LMNA: variants seen among roughly 807,000 people sequenced by gnomAD.
The protein encoded by LMNA is lamin.
Under a neutral mutation model 70.4 loss-of-function variants are expected in LMNA, and 20 were observed. That is an observed-to-expected ratio of 0.28 (90% CI 0.20 to 0.41). The LOEUF (loss-of-function observed/expected upper bound fraction) is 0.41. LMNA is among the 10% of genes least tolerant of loss of function. The pLI is 1.00. For missense variants in LMNA, 652 were observed against 917.2 expected, an observed-to-expected ratio of 0.71 and a Z score of 3.73; for synonymous variants, 339 against 372.8, an observed-to-expected ratio of 0.91 and a Z score of 1.04.
chr1:156,099,694 C>T (rs1649069286), intron 3 of LMNA, among the ~76,000 whole-genome samples: 1 of 151,666 alleles, frequency 6.6e-6, no homozygotes, highest in Non-Finnish European at 1.5e-5. Context: ...CCAGCCTGGC[C>T]AACATGGCGA....
Position 156,135,680 on chromosome 1 carries a change from C to T in LMNA, c.937-221C>T, listed in dbSNP as rs974400754. 48 of 603,668 alleles carry T rather than the reference C, an allele frequency of 8.0e-5. No homozygotes were observed. The highest frequency in any genetic ancestry group is 8.3e-5 in the East Asian group (3 of 36,064). 37.4% of individuals were successfully genotyped at this position (603,668 alleles called of 1,614,324 possible). ...CAGGAGAAAAAGTCTAGCCTCAGAA[C>T]GAGAGGTTTCAGTTAGACAAGGGGA... is the stretch of plus-strand genomic sequence containing the variant. On this transcript the variant is annotated intron_variant, in intron 5 of 11. Transcript: ENST00000368300. The surrounding 1 kb of genome is among the most constrained non-coding windows in gnomAD (Gnocchi z 4.8).
intron 1 of LMNA, chr1:156,129,757 G>T: frequency 1.4e-6 from 1 of 690,324 alleles, no homozygotes; most frequent in Non-Finnish European, 2.7e-6. Context: ...CCCAGAAAAG[G>T]TGAGGGAGGT....
In LMNA at chr1:156,137,597, T is replaced by C. The variant is rs1388691107; in HGVS notation, c.1609-57T>C. 19 of 1,455,020 alleles carry C rather than the reference T, an allele frequency of 1.3e-5. No individual in the cohort carries two copies. Among genetic ancestry groups the C allele is most frequent in the Non-Finnish European group, 1.8e-5 (19 of 1,061,428 alleles). 90.1% of individuals were successfully genotyped at this position (1,455,020 alleles called of 1,614,324 possible). ...TTGCAGGTGGTCACTGGGGTAGACA[T>C]GCTGTACAACCCTTCCCTGGCCCTG... On this transcript the variant is annotated intron_variant, in intron 9 of 11. Transcript: ENST00000368300. The surrounding 1 kb of genome is among the most constrained non-coding windows in gnomAD (Gnocchi z 4.6).
At chr1:156,128,797 C>T (rs940982966) in intron 1 of LMNA, among the ~76,000 whole-genome samples, 1 of 152,222 alleles carries the variant, frequency 6.6e-6, no homozygotes, top group Non-Finnish European at 1.5e-5. Context: ...TCTCTAAATT[C>T]TGAGAGCCTC....
At chr1:156,086,663 CAG>C (rs1648491865) in intron 2 of LMNA, among the ~76,000 whole-genome samples, 2 of 152,282 alleles carry the variant, frequency 1.3e-5, no homozygotes, top group South Asian at 4.1e-4. Context: ...CCTTTTGAGA[CAG>C]AGTCTCGCTC....
chr1:156,135,086 G>C lies in LMNA; in HGVS notation c.811-101G>C, dbSNP rs556408262. On this transcript the variant is annotated intron_variant, in intron 4 of 11. Coordinates refer to ENST00000368300, the MANE Select transcript of LMNA (RefSeq NM_170707.4). This position sits in a 1 kb window ranked among gnomAD's most constrained non-coding sequence, Gnocchi z 4.8. ...AGGCAGATGGTGGCAGGGAGCTCAG[G>C]GTGGCCCAGGACCTGGGGCTGTAGC... 66 of 1,610,110 alleles carry C rather than the reference G, an allele frequency of 4.1e-5. No homozygotes were observed. In the African/African-American group the frequency reaches 8.5e-4, roughly 21 times the overall value.
Position 156,136,760 on chromosome 1 carries a change from T to A in LMNA, c.1381-161T>A. On this transcript the variant is annotated intron_variant, in intron 7 of 11. Coordinates refer to ENST00000368300, the MANE Select transcript of LMNA (RefSeq NM_170707.4). This position sits in a 1 kb window ranked among gnomAD's most constrained non-coding sequence, Gnocchi z 6.1. ...CTGGTGCTGCGTATGTGTCCACAGA[T>A]CATGGCTATTATCCCCGGGGGAAGG... 1 of 722,636 alleles carries A rather than the reference T, an allele frequency of 1.4e-6. No homozygotes were observed. Among genetic ancestry groups the A allele is most frequent in the South Asian group, 1.5e-5 (1 of 66,806 alleles). 44.8% of individuals were successfully genotyped at this position (722,636 alleles called of 1,614,324 possible).
upstream of LMNA, among the ~76,000 whole-genome samples, chr1:156,113,935 G>C (rs1452366576): frequency 6.6e-6 from 1 of 152,166 alleles, no homozygotes; most frequent in Non-Finnish European, 1.5e-5. Context: ...AGATGGAAGG[G>C]GCAGTGCCTG....
At chr1:156,119,648 C>T (rs1650061747) in intron 1 of LMNA, among the ~76,000 whole-genome samples, 1 of 152,216 alleles carries the variant, frequency 6.6e-6, no homozygotes, top group African/African-American at 2.4e-5. Flanking sequence ...GTTGTAAGCA[C>T]CAGGGAAGCC....
chr1:156,092,550 GT>G (rs1648749225), intron 3 of LMNA, among the ~76,000 whole-genome samples: 2 of 151,776 alleles, frequency 1.3e-5, no homozygotes, highest in Non-Finnish European at 2.9e-5. Flanking sequence ...GTGGTGGTGG[GT>G]ACCTGTAATC....
At chr1:156,096,088 A>G (rs1406321301) in intron 3 of LMNA, among the ~76,000 whole-genome samples, 1 of 152,092 alleles carries the variant, frequency 6.6e-6, no homozygotes, top group Non-Finnish European at 1.5e-5. Context: ...CTCTGACCCA[A>G]CACATGCCTC....
intron 2 of LMNA, among the ~76,000 whole-genome samples, chr1:156,087,006 G>A (rs954216745): frequency 6.6e-6 from 1 of 152,086 alleles, no homozygotes; most frequent in East Asian, 1.9e-4. Context: ...TGAACACTCA[G>A]TACCAAGGGA....
At chr1:156,089,178 T>C (rs1233473417) in intron 2 of LMNA, among the ~76,000 whole-genome samples, 3 of 152,174 alleles carry the variant, frequency 2.0e-5, no homozygotes, top group Non-Finnish European at 4.4e-5. Flanking sequence ...GGTTTTGCCA[T>C]GTTGGCCAGG....
chr1:156,127,433 T>TCTTA (rs1650680315), intron 1 of LMNA, among the ~76,000 whole-genome samples: 1 of 151,956 alleles, frequency 6.6e-6, no homozygotes, highest in East Asian at 1.9e-4. Context: ...GCAGGGTGTG[T>TCTTA]CTTAGTCCTT....
At chr1:156,123,585 T>C (rs557157075) in intron 1 of LMNA, among the ~76,000 whole-genome samples, 340 of 152,206 alleles carry the variant, frequency 2.2e-3, no homozygotes, top group Non-Finnish European at 4.2e-3. Flanking sequence ...CAGGACATTC[T>C]ACTATCTTCT....
intron 1 of LMNA, among the ~76,000 whole-genome samples, chr1:156,125,985 T>TAATAATAATAATGA (rs1426763214): frequency 2.0e-5 from 3 of 151,990 alleles, no homozygotes; most frequent in Non-Finnish European, 2.9e-5. Context: ...ATAATAATAG[T>TAATAATAATAATGA]AATAATAATA....
rs11264445 is a variant in LMNA, at chr1:156,135,036, C to T, written c.810+61C>T. On this transcript the variant is annotated intron_variant, in intron 4 of 11. Transcript: ENST00000368300. This position sits in a 1 kb window ranked among gnomAD's most constrained non-coding sequence, Gnocchi z 4.8. The stretch of plus-strand genomic sequence containing the variant: ...CCCTTGGCAGCCCTACCCTTACCCA[C>T]GCTGGGCTATGCCTTCTGGGGATCA... 16,352 of 1,611,226 alleles carry T rather than the reference C, an allele frequency of 0.01. 1,421 individuals carry two copies. In the African/African-American group the frequency reaches 0.19, roughly 19 times the overall value.
chr1:156,091,558 C>T (rs965082270), intron 3 of LMNA, among the ~76,000 whole-genome samples: 7 of 152,198 alleles, frequency 4.6e-5, no homozygotes, highest in East Asian at 1.9e-4. Context: ...GCCAAGATCG[C>T]GCCACTGCAC....
chr1:156,135,663 A>G lies in LMNA; in HGVS notation c.937-238A>G. ...GGCTGTGCTATTTGTGACAGGAGAA[A>G]AAGTCTAGCCTCAGAACGAGAGGTT... On this transcript the variant is annotated intron_variant, in intron 5 of 11. Coordinates refer to ENST00000368300, the MANE Select transcript of LMNA (RefSeq NM_170707.4). This position sits in a 1 kb window ranked among gnomAD's most constrained non-coding sequence, Gnocchi z 4.8. The G allele has an allele frequency of 1.7e-6, 1 of 599,990 alleles. No homozygotes were observed. Among genetic ancestry groups the G allele is most frequent in the Non-Finnish European group, 3.0e-6 (1 of 338,784 alleles). 37.2% of individuals were successfully genotyped at this position (599,990 alleles called of 1,614,324 possible).
Sources: gnomAD v4.1 joint callset for allele counts (sites outside exome capture counted in the v4.1 genomes callset) on GRCh38, gnomAD v4.1.1 for gene constraint, Gnocchi (gnomAD v3.1) non-coding constraint, MANE v1.5 for transcripts, NCBI Gene and HGNC (gene_info 2026-07-23, HGNC 2026-07-21) for gene names.